The following ARHGEF40 variants were observed in gnomAD, a reference collection of about 807,000 sequenced individuals.
ARHGEF40 encodes the protein Rho guanine nucleotide exchange factor (GEF) 40.
ARHGEF40 carries 98 observed loss-of-function variants against 165.9 expected under a neutral mutation model. That is an observed-to-expected ratio of 0.59 (90% CI 0.50 to 0.70). The LOEUF (loss-of-function observed/expected upper bound fraction) is 0.70, where lower values mean the gene tolerates loss of function less well. ARHGEF40 is among the 30% of genes least tolerant of loss of function. The pLI, the probability that ARHGEF40 is intolerant of heterozygous loss-of-function variation, is 0.00. For missense variants in ARHGEF40, 1,815 were observed against 1,968.0 expected, an observed-to-expected ratio of 0.92 and a Z score of 1.47; for synonymous variants, 792 against 814.3, an observed-to-expected ratio of 0.97 and a Z score of 0.47.
In ARHGEF40 at chr14:21,070,838, C is replaced by CCA. The variant is rs750147990; in HGVS notation, c.3+441_3+442dup. Reference sequence around the variant, plus strand: ...GTCATGAGAACTGACCTGCATGGAACCACCATTTTCCATCCCTGTCCCCAA... The same window carrying CCA: ...GTCATGAGAACTGACCTGCATGGAACCACACCATTTTCCATCCCTGTCCCCAA... On this transcript the variant is annotated intron_variant, in intron 1 of 23. Coordinates refer to ENST00000298694, the MANE Select transcript of ARHGEF40 (RefSeq NM_018071.5). The surrounding 1 kb of genome is among the most constrained non-coding windows in gnomAD (Gnocchi z 4.7). 412 of 1,535,648 alleles carry CCA rather than the reference C, an allele frequency of 2.7e-4. No individual in the cohort carries two copies. Among genetic ancestry groups the CCA allele is most frequent in the Non-Finnish European group, 3.3e-4 (377 of 1,146,874 alleles).
intron 22 of ARHGEF40, among the ~76,000 whole-genome samples, 171 bp downstream of exon 22, chr14:21,088,269 G>A (rs1888532929): frequency 6.6e-6 from 1 of 152,138 alleles, no homozygotes; most frequent in Non-Finnish European, 1.5e-5. Flanking sequence ...CTCTCCCCGG[G>A]ACCTGGCTAA....
the ARHGEF40 span, among the ~76,000 whole-genome samples, chr14:21,063,831 G>A: frequency 6.6e-6 from 1 of 152,146 alleles, no homozygotes; most frequent in East Asian, 1.9e-4. Flanking sequence ...TTCTTTAAAA[G>A]CTCTCTCATT....
At position 21,075,147 on chromosome 14, in the gene ARHGEF40, G is replaced by C. The variant is rs369039824; in HGVS notation, c.1417G>C (p.Glu473Gln). The C allele has an allele frequency of 4.3e-6, 7 of 1,609,888 alleles. No individual in the cohort carries two copies. In the East Asian group the frequency reaches 1.1e-4, roughly 26 times the overall value. Residue 473 changes from glutamate to glutamine, a missense_variant, in exon 3 of 24, where the codon GAG becomes CAG. Glu to Gln is a conservative substitution (Grantham distance 29, BLOSUM62 2). Coordinates refer to ENST00000298694, the MANE Select transcript of ARHGEF40 (RefSeq NM_018071.5). This position sits in a 1 kb window ranked among gnomAD's most constrained non-coding sequence, Gnocchi z 4.5. ...GPTEEGAGER[E>Q]LEGPGLLCMA... is the part of the protein sequence containing the mutation. The stretch of plus-strand genomic sequence containing the variant: ...TACAGAAGAGGGGGCCGGAGAGAGA[G>C]AGCTGGAGGGGCCAGGCCTGCTGTG...
rs1887429132 is a variant in ARHGEF40, at chr14:21,076,465, C to T, written c.1836+9C>T. 6.2e-7 allele frequency: 1 copy of T among 1,613,996 alleles called. No homozygotes were observed. The highest frequency in any genetic ancestry group is 1.7e-5 in the Admixed American group (1 of 60,008). On this transcript the variant is annotated intron_variant, in intron 6 of 23. Coordinates refer to ENST00000298694, the MANE Select transcript of ARHGEF40 (RefSeq NM_018071.5). ...CCTTGAGCCAACTTCAGGTAACCACCCCTCAAACAGGCAGTTCCCCTGGAT... is the reference window on the plus strand; with the variant it reads ...CCTTGAGCCAACTTCAGGTAACCACTCCTCAAACAGGCAGTTCCCCTGGAT...
intron 17 of ARHGEF40, 25 bp from the exon 18 acceptor site, chr14:21,084,728 C>G (rs1439948662): frequency 6.2e-7 from 1 of 1,604,290 alleles, no homozygotes; most frequent in East Asian, 2.2e-5. Context: ...CCTGGGCCAA[C>G]CACTTTTCCT....
chr14:21,074,208 G>T lies in ARHGEF40; in HGVS notation c.478G>T (p.Gly160Cys). ...LQGINKDRPT[G>C]RLSTCLLSAP... Reference sequence around the variant, plus strand: ...AGGCATCAACAAGGACCGGCCAACAGGTCGCCTCAGTACCTGCCTACTGTC... The same window carrying T: ...AGGCATCAACAAGGACCGGCCAACATGTCGCCTCAGTACCTGCCTACTGTC... The change falls in exon 3 of 24, where the codon GGT (glycine) becomes TGT (cysteine). Residue 160 changes from glycine to cysteine, a missense_variant. Coordinates refer to ENST00000298694, the MANE Select transcript of ARHGEF40 (RefSeq NM_018071.5). The surrounding 1 kb of genome is among the most constrained non-coding windows in gnomAD (Gnocchi z 4.8). 4 of 1,614,150 alleles carry T rather than the reference G, an allele frequency of 2.5e-6. No homozygotes were observed. The highest frequency in any genetic ancestry group is 3.4e-6 in the Non-Finnish European group (4 of 1,180,032).
In ARHGEF40 at chr14:21,084,230, T is replaced by C. The variant is rs1035154573; in HGVS notation, c.3789+180T>C. On this transcript the variant is annotated intron_variant, in intron 17 of 23. Coordinates refer to ENST00000298694, the MANE Select transcript of ARHGEF40 (RefSeq NM_018071.5). Reference sequence around the variant, plus strand: ...CACTGGACTTCACTTTCCTCATTTGTAAATAAAGAAGCTATGTCCTCCCAA... The same window carrying C: ...CACTGGACTTCACTTTCCTCATTTGCAAATAAAGAAGCTATGTCCTCCCAA... Among the ~76,000 whole-genome samples, 13 of 152,330 alleles carry C rather than the reference T, an allele frequency of 8.5e-5. No homozygotes were observed. The South Asian group carries it at 2.7e-3, about 32-fold the overall frequency.
At position 21,078,873 on chromosome 14, in the gene ARHGEF40, T is replaced by C. The variant is rs1887649067; in HGVS notation, c.2247-11T>C. The C allele has an allele frequency of 6.2e-7, 1 of 1,610,894 alleles. No individual in the cohort carries two copies. The highest frequency in any genetic ancestry group is 1.3e-5 in the African/African-American group (1 of 74,898). ...AGGGAAATGATTCATTCTTCTCTGCTCCTTCCCAAGGCTGGAGGGCCAAGG... is the reference window on the plus strand; with the variant it reads ...AGGGAAATGATTCATTCTTCTCTGCCCCTTCCCAAGGCTGGAGGGCCAAGG... On this transcript the variant is annotated splice_polypyrimidine_tract_variant and intron_variant, in intron 10 of 23. Coordinates refer to ENST00000298694, the MANE Select transcript of ARHGEF40 (RefSeq NM_018071.5).
At chr14:21,087,295 AC>A (rs1566540354) in intron 20 of ARHGEF40, 24 bp from the exon 21 acceptor site, 11 of 1,580,930 alleles carry the variant, frequency 7.0e-6, no homozygotes, top group Non-Finnish European at 7.8e-6. Context: ...CCAGCACCCC[AC>A]CCCCCACTCC....
At position 21,086,924 on chromosome 14, in the gene ARHGEF40, AAAAAAATC is replaced by A. The variant is rs1331129881; in HGVS notation, c.4139-74_4139-67del. On this transcript the variant is annotated intron_variant, in intron 19 of 23. Transcript: ENST00000298694. ...GAAGGAACGAAAAAAAAAAAAAAAG[AAAAAAATC>A]AACCATGACATGCTAGGGCTAGAGA... is the stretch of plus-strand genomic sequence containing the variant. 5.0e-6 allele frequency: 6 copies of A among 1,194,222 alleles called. No individual in the cohort carries two copies. In the African/African-American group the frequency reaches 1.0e-4, roughly 20 times the overall value. The allele number at this position is 1,194,222 out of a possible 1,614,324, so 74.0% of individuals were successfully genotyped here. A position where few individuals can be genotyped will look rare whatever the true frequency, so the allele number is the denominator to read the frequency against.
rs950644581 is a variant in ARHGEF40, at chr14:21,070,320, G to C, written c.-77G>C. On this transcript the variant is annotated 5_prime_UTR_variant, in exon 1 of 24. Transcript: ENST00000298694. The surrounding 1 kb of genome is among the most constrained non-coding windows in gnomAD (Gnocchi z 4.7). ...CCCTTAGCCAGACCCGGCGAGACAC[G>C]AGCGGCGGGAGGGAGGCGGTGGCGC... 2.9e-6 allele frequency: 4 copies of C among 1,384,548 alleles called. No homozygotes were observed. In the East Asian group the frequency reaches 1.3e-4, roughly 44 times the overall value. 85.8% of individuals were successfully genotyped at this position (1,384,548 alleles called of 1,614,324 possible). A position where few individuals can be genotyped will look rare whatever the true frequency, so the allele number is the denominator to read the frequency against.
intron 16 of ARHGEF40, among the ~76,000 whole-genome samples, chr14:21,083,506 T>C (rs1888098838): frequency 6.6e-6 from 1 of 152,072 alleles, no homozygotes; most frequent in South Asian, 2.1e-4. Flanking sequence ...GCCGAGATTG[T>C]GCCACTGCAC....
chr14:21,075,587 A>T lies in ARHGEF40; in HGVS notation c.1619-58A>T. 1 of 1,613,840 alleles carries T rather than the reference A, an allele frequency of 6.2e-7. No homozygotes were observed. The highest frequency in any genetic ancestry group is 8.5e-7 in the Non-Finnish European group (1 of 1,179,968). On this transcript the variant is annotated intron_variant, in intron 4 of 23. Transcript: ENST00000298694. This position sits in a 1 kb window ranked among gnomAD's most constrained non-coding sequence, Gnocchi z 4.5. ...TGGGGACTGGGGGAGGCAGGGTGGA[A>T]AGGAGGTAGGCATGGACTGCTCCCA...
In ARHGEF40 at chr14:21,081,889, C is replaced by T. The variant is rs755333022; in HGVS notation, c.3021C>T (p.Cys1007=). ...GGCCACGGCCAGCCCCATCCCATTG[C>T]TCCCTGGCCCCATGTGGAGAGGACT... The part of the protein sequence containing the change: ...SPGPRPAPSH[C]SLAPCGEDYE... The change falls in exon 14 of 24, where the codon TGC becomes TGT. Residue 1007 remains cysteine, a synonymous_variant. Transcript: ENST00000298694. The T allele has an allele frequency of 3.1e-6, 5 of 1,613,290 alleles. No individual in the cohort carries two copies. Among genetic ancestry groups the T allele is most frequent in the Non-Finnish European group, 4.2e-6 (5 of 1,179,918 alleles).
chr14:21,073,294 T>C lies in ARHGEF40; in HGVS notation c.201+52T>C, dbSNP rs1487368185. 1 of 1,536,732 alleles carries C rather than the reference T, an allele frequency of 6.5e-7. No homozygotes were observed. Among genetic ancestry groups the C allele is most frequent in the Non-Finnish European group, 8.8e-7 (1 of 1,136,354 alleles). ...CCTTCCCCAAGATCCACTGCCACAC[T>C]CTACAGACTAGCCAGGCTGACTAAT... On this transcript the variant is annotated intron_variant, in intron 2 of 23. Transcript: ENST00000298694. The surrounding 1 kb of genome is among the most constrained non-coding windows in gnomAD (Gnocchi z 4.6).
the ARHGEF40 span, among the ~76,000 whole-genome samples, chr14:21,064,465 C>T: frequency 6.6e-6 from 1 of 152,128 alleles, no homozygotes; most frequent in African/African-American, 2.4e-5. Context: ...CCACACCCAG[C>T]TAATTTTTGT....
the ARHGEF40 span, among the ~76,000 whole-genome samples, chr14:21,063,236 G>A: frequency 2.0e-5 from 3 of 152,144 alleles, no homozygotes; most frequent in Non-Finnish European, 2.9e-5. Context: ...GTGTGTATGT[G>A]TGTGTGTGTA....
chr14:21,067,761 T>TAC (rs3061993), upstream of ARHGEF40, among the ~76,000 whole-genome samples: 65,301 of 149,730 alleles, frequency 0.44, 14,375 homozygotes, highest in East Asian at 0.55. Flanking sequence ...TGTACACACG[T>TAC]ACACACACAC....
Position 21,073,352 on chromosome 14 carries a change from G to A in ARHGEF40, c.201+110G>A. 1 of 1,214,754 alleles carries A rather than the reference G, an allele frequency of 8.2e-7. No homozygotes were observed. Among genetic ancestry groups the A allele is most frequent in the Non-Finnish European group, 1.1e-6 (1 of 873,270 alleles). 75.2% of individuals were successfully genotyped at this position (1,214,754 alleles called of 1,614,324 possible). On this transcript the variant is annotated intron_variant, in intron 2 of 23. Transcript: ENST00000298694. The surrounding 1 kb of genome is among the most constrained non-coding windows in gnomAD (Gnocchi z 4.6). ...CTAACCTAGAGATACAGCCTCCCTTGAAACCGATCTCTCCAGAATCACTTA... is the reference window on the plus strand; with the variant it reads ...CTAACCTAGAGATACAGCCTCCCTTAAAACCGATCTCTCCAGAATCACTTA...
Sources: allele counts gnomAD v4.1 joint callset (sites outside exome capture counted in the v4.1 genomes callset), GRCh38; gene constraint gnomAD v4.1.1; non-coding constraint Gnocchi (gnomAD v3.1); transcripts MANE v1.5; gene names NCBI Gene and HGNC (gene_info 2026-07-23, HGNC 2026-07-21).